Variants in CAPN5 observed in about 807,000 individuals in gnomAD.
The protein encoded by CAPN5 is calpain 5, also known as calpain-5.
CAPN5 carries 54 observed loss-of-function variants against 73.0 expected under a neutral mutation model. The observed-to-expected ratio is 0.74, with a 90% CI of 0.59 to 0.93. The LOEUF is 0.93. CAPN5 is among the 40% of genes least tolerant of loss of function. CAPN5 has a pLI of 0.00. For missense variants in CAPN5, 785 were observed against 882.9 expected (o/e 0.89, Z 1.41); for synonymous variants, 335 against 356.9 (o/e 0.94, Z 0.69).
intron 2 of CAPN5, among the ~76,000 whole-genome samples, chr11:77,091,599 C>G (rs2135432654): frequency 6.6e-6 from 1 of 152,344 alleles, no homozygotes; most frequent in South Asian, 2.1e-4. Context: ...CTGTCCCCAC[C>G]CTCCACCATA....
chr11:77,076,832 T>G (rs1555033982), intron 1 of CAPN5, among the ~76,000 whole-genome samples: 1 of 152,134 alleles, frequency 6.6e-6, no homozygotes, highest in African/African-American at 2.4e-5. Flanking sequence ...AACATGGGAG[T>G]GCAGATATGT....
At chr11:77,110,478 A>G (rs1411256470) in intron 3 of CAPN5, among the ~76,000 whole-genome samples, 3 of 152,162 alleles carry the variant, frequency 2.0e-5, no homozygotes, top group African/African-American at 7.2e-5. Flanking sequence ...GGTGGGGGAA[A>G]GGAACAGCCA....
intron 1 of CAPN5, among the ~76,000 whole-genome samples, chr11:77,067,993 G>A (rs1186933464): frequency 1.3e-5 from 2 of 152,036 alleles, no homozygotes; most frequent in African/African-American, 4.8e-5. Context: ...CTACACCTGT[G>A]GTTTAGAGAG....
intron 2 of CAPN5, among the ~76,000 whole-genome samples, chr11:77,088,533 A>G (rs1555035980): frequency 6.6e-6 from 1 of 151,972 alleles, no homozygotes; most frequent in African/African-American, 2.4e-5. Flanking sequence ...GGGGGAGGGC[A>G]AGTCTTCTGC....
intron 3 of CAPN5, among the ~76,000 whole-genome samples, chr11:77,101,455 T>G (rs566281342): frequency 2.6e-5 from 4 of 152,278 alleles, no homozygotes; most frequent in Non-Finnish European, 5.9e-5. Context: ...CAGTTTGACA[T>G]CTAGCTGTAT....
intron 3 of CAPN5, among the ~76,000 whole-genome samples, chr11:77,098,299 C>G (rs1405650332): frequency 4.7e-5 from 5 of 106,040 alleles, no homozygotes; most frequent in African/African-American, 1.9e-4. Flanking sequence ...ACCTCCCTCC[C>G]GGACGGGGCA....
rs1555042900 is a variant in CAPN5 at position 77,122,037 on chromosome 11, G to T, written c.1591G>T (p.Asp531Tyr). ...TGTCCTGGGAGCTGCTGGCCTCAAG[G>T]ACTCCCCAACAGGTGAGCTCTCCCA... ...VHVLGAAGLK[D>Y]SPTGANSYVI... The change falls in exon 11 of 13, where the codon GAC (aspartate) becomes TAC (tyrosine). Residue 531 changes from aspartate (D) to tyrosine (Y), a missense_variant. Asp to Tyr is a radical substitution (Grantham distance 160, BLOSUM62 -3). Coordinates refer to ENST00000648180, the MANE Select transcript of CAPN5 (RefSeq NM_004055.5). The T allele has an allele frequency of 2.5e-5, 39 of 1,552,308 alleles. No individual in the cohort carries two copies. Among genetic ancestry groups the T allele is most frequent in the Non-Finnish European group, 3.2e-5 (37 of 1,147,886 alleles).
chr11:77,103,864 G>A (rs1366981358), intron 3 of CAPN5, among the ~76,000 whole-genome samples: 1 of 152,208 alleles, frequency 6.6e-6, no homozygotes, highest in African/African-American at 2.4e-5. Flanking sequence ...CAACCCTCAG[G>A]ATATGGGGCA....
intron 2 of CAPN5, chr11:77,088,130 G>A: frequency 1.4e-6 from 2 of 1,467,476 alleles, no homozygotes; most frequent in Non-Finnish European, 1.8e-6. Flanking sequence ...TCCCACATCT[G>A]GGTATGAGCC....
chr11:77,092,769 C>A (rs1034717891), intron 2 of CAPN5, among the ~76,000 whole-genome samples: 1 of 152,216 alleles, frequency 6.6e-6, no homozygotes, highest in Non-Finnish European at 1.5e-5. Flanking sequence ...GAGTTTGAGA[C>A]CAGCCTGGCC....
chr11:77,081,045 G>A (rs1950022384), intron 1 of CAPN5, among the ~76,000 whole-genome samples: 1 of 152,324 alleles, frequency 6.6e-6, no homozygotes, highest in East Asian at 1.9e-4. Context: ...ACAGGAGGAG[G>A]AGGGCTGATA....
At chr11:77,087,593 A>G (rs1264474180) in intron 2 of CAPN5, among the ~76,000 whole-genome samples, 2 of 152,038 alleles carry the variant, frequency 1.3e-5, no homozygotes, top group African/African-American at 4.8e-5. Context: ...GCCCTACCTT[A>G]CTAGAAGTGT....
chr11:77,070,400 G>A (rs1424759384), intron 1 of CAPN5, among the ~76,000 whole-genome samples: 1 of 152,224 alleles, frequency 6.6e-6, no homozygotes, highest in Non-Finnish European at 1.5e-5. Flanking sequence ...TGCTCAGCCA[G>A]TGCCCCCTGC....
chr11:77,119,174 G>A, intron 9 of CAPN5, 22 bp downstream of exon 9: 1 of 1,596,168 alleles, frequency 6.3e-7, no homozygotes, highest in Non-Finnish European at 8.5e-7. Context: ...CGGGTCCCCT[G>A]CCGTGGGTGG....
chr11:77,100,129 G>A lies in CAPN5; in HGVS notation c.297+6316G>A, dbSNP rs374452137. On this transcript the variant is annotated intron_variant, in intron 3 of 12. Transcript: ENST00000648180. ...TGGGATTACAGGCGTGAGCCACTGT[G>A]CCCAGCCTTGTTTTGTTTTTTTATA... 2.6e-5 allele frequency among the ~76,000 whole-genome samples: 4 copies of A among 152,310 alleles called. No individual in the cohort carries two copies. The East Asian group carries it at 7.7e-4, about 29-fold the overall frequency.
Position 77,120,803 on chromosome 11 carries a change from A to G in CAPN5, c.1381A>G (p.Thr461Ala). The G allele has an allele frequency of 6.2e-7, 1 of 1,614,032 alleles. No individual in the cohort carries two copies. Among genetic ancestry groups the G allele is most frequent in the Non-Finnish European group, 8.5e-7 (1 of 1,179,986 alleles). The change falls in exon 10 of 13, where the codon ACC becomes GCC. Residue 461 changes from threonine to alanine, a missense_variant. Physicochemically the swap from Thr to Ala is moderately conservative, Grantham distance 58 (BLOSUM62 0). Coordinates refer to ENST00000648180, the MANE Select transcript of CAPN5 (RefSeq NM_004055.5). ...YINSRSVFLR[T>A]DQPEGRYVII... Reference sequence around the variant, plus strand: ...CAACTCACGCAGCGTCTTCCTGCGCACCGACCAGCCCGAGGGCCGCTATGT... The same window carrying G: ...CAACTCACGCAGCGTCTTCCTGCGCGCCGACCAGCCCGAGGGCCGCTATGT...
intron 1 of CAPN5, among the ~76,000 whole-genome samples, chr11:77,078,710 T>C (rs1555034215): frequency 6.6e-6 from 1 of 152,216 alleles, no homozygotes; most frequent in Non-Finnish European, 1.5e-5. Context: ...TATGTATATG[T>C]ACATATCTGT....
chr11:77,091,653 C>T (rs1202664068), intron 2 of CAPN5, among the ~76,000 whole-genome samples: 18 of 152,138 alleles, frequency 1.2e-4, no homozygotes, highest in Non-Finnish European at 2.2e-4. Flanking sequence ...CTCAGTGAGG[C>T]GATGGGAGAG....
At chr11:77,104,782 GA>G (rs1555039607) in intron 3 of CAPN5, among the ~76,000 whole-genome samples, 1 of 152,232 alleles carries the variant, frequency 6.6e-6, no homozygotes, top group Non-Finnish European at 1.5e-5. Flanking sequence ...AGCTGTCAAG[GA>G]ACTTGCGGCT....
Sources: gnomAD v4.1 joint callset for allele counts (sites outside exome capture counted in the v4.1 genomes callset) on GRCh38, gnomAD v4.1.1 for gene constraint, MANE v1.5 for transcripts, NCBI Gene and HGNC (gene_info 2026-07-23, HGNC 2026-07-21) for gene names.